The following HMOX1 variants were observed in gnomAD, a reference collection of about 807,000 sequenced individuals.
The protein encoded by HMOX1 is heme oxygenase 1.
A neutral mutation model predicts 27.8 loss-of-function variants in HMOX1; 22 were observed. The observed-to-expected ratio is 0.79, with a 90% confidence interval of 0.57 to 1.13. The LOEUF is 1.13. HMOX1 is among the 50% of genes most tolerant of loss of function. HMOX1 has a pLI of 0.00. For missense variants in HMOX1, 379 were observed against 377.7 expected, an observed-to-expected ratio of 1.00 and a Z score of -0.03; for synonymous variants, 153 against 151.6, an observed-to-expected ratio of 1.01 and a Z score of -0.07.
intron 3 of HMOX1, among the ~76,000 whole-genome samples, chr22:35,388,216 C>A (rs1931555259): frequency 1.3e-5 from 2 of 152,144 alleles, no homozygotes; most frequent in South Asian, 4.1e-4. Context: ...TTTGGGAGGC[C>A]AAAGCAGGAA....
At chr22:35,392,272 T>C (rs566779341) in intron 4 of HMOX1, among the ~76,000 whole-genome samples, 60 of 151,838 alleles carry the variant, frequency 4.0e-4, no homozygotes, top group Non-Finnish European at 7.4e-4. Context: ...TTCTCAGTTT[T>C]AATATCTAAT....
rs775196835 is a variant in HMOX1 at position 35,386,786 on chromosome 22, G to T, written c.246G>T (p.Glu82Asp). 6.2e-7 allele frequency: 1 copy of T among 1,614,228 alleles called. No individual in the cohort carries two copies. The highest frequency in any genetic ancestry group is 8.5e-7 in the Non-Finnish European group (1 of 1,180,032). ...TCGCCCCTGTCTACTTCCCAGAAGA[G>T]CTGCACCGCAAGGCTGCCCTGGAGC... ...PVFAPVYFPE[E>D]LHRKAALEQD... The change falls in exon 3 of 5, where the codon GAG (glutamate) becomes GAT (aspartate). Residue 82 changes from glutamate (E) to aspartate (D), a missense_variant. Coordinates refer to ENST00000216117, the MANE Select transcript of HMOX1 (RefSeq NM_002133.3).
chr22:35,393,424 T>C, intron 4 of HMOX1, 44 bp from the exon 5 acceptor site: 1 of 1,613,618 alleles, frequency 6.2e-7, no homozygotes, highest in Non-Finnish European at 8.5e-7. Context: ...GACACCCTGA[T>C]GCACGCCCAC....
At chr22:35,391,125 T>C (rs1931706947) in intron 4 of HMOX1, among the ~76,000 whole-genome samples, 1 of 152,010 alleles carries the variant, frequency 6.6e-6, no homozygotes, top group African/African-American at 2.4e-5. Flanking sequence ...CTGCTAGGGG[T>C]TTGTAACCCC....
rs1931775357 is a variant in HMOX1, at chr22:35,393,468, A to G, written c.737A>G (p.Asp246Gly). 6.2e-7 allele frequency: 1 copy of G among 1,613,920 alleles called. No homozygotes were observed. The highest frequency in any genetic ancestry group is 8.5e-7 in the Non-Finnish European group (1 of 1,179,982). ...GACCTTGCCCCATTTTCTCTTTCAGATTCTGCCCCCGTGGAGACTCCCAGA... is the reference window on the plus strand; with the variant it reads ...GACCTTGCCCCATTTTCTCTTTCAGGTTCTGCCCCCGTGGAGACTCCCAGA... ...LRQRASNKVQ[D>G]SAPVETPRGK... The change falls in exon 5 of 5, where the codon GAT (aspartate) becomes GGT (glycine). Residue 246 changes from aspartate (D) to glycine (G), a missense_variant and splice_region_variant. Coordinates refer to ENST00000216117, the MANE Select transcript of HMOX1 (RefSeq NM_002133.3).
In HMOX1 at chr22:35,386,714, T is replaced by C. The variant is rs762448489; in HGVS notation, c.174T>C (p.Tyr58=). ...TGATGGCCTCCCTGTACCACATCTA[T>C]GTGGCCCTGGAGGAGGAGATTGAGC... The part of the protein sequence containing the change: ...KLVMASLYHI[Y]VALEEEIERN... Residue 58 remains tyrosine (Y), a synonymous_variant, in exon 3 of 5, where the codon TAT becomes TAC. Transcript: ENST00000216117. 4 of 1,614,176 alleles carry C rather than the reference T, an allele frequency of 2.5e-6. No homozygotes were observed. The East Asian group carries it at 8.9e-5, about 36-fold the overall frequency.
Position 35,393,638 on chromosome 22 carries a change from G to T in HMOX1, c.*40G>T. 6.2e-7 allele frequency: 1 copy of T among 1,613,106 alleles called. No individual in the cohort carries two copies. The highest frequency in any genetic ancestry group is 1.1e-5 in the South Asian group (1 of 91,024). On this transcript the variant is annotated 3_prime_UTR_variant, in exon 5 of 5. Coordinates refer to ENST00000216117, the MANE Select transcript of HMOX1 (RefSeq NM_002133.3). ...GCTCCCAGGGCCATGAACTTTGTCC[G>T]GTGGAAGGCCTTCTTTCTAGAGAGG...
At chr22:35,383,807 A>G (rs1307619709) in intron 2 of HMOX1, among the ~76,000 whole-genome samples, 1 of 152,188 alleles carries the variant, frequency 6.6e-6, no homozygotes, top group African/African-American at 2.4e-5. Flanking sequence ...GAGTATTTCA[A>G]CAGCAGGGTT....
At chr22:35,383,350 C>T (rs1601739656) in intron 2 of HMOX1, 124 bp downstream of exon 2, 1 of 1,116,728 alleles carries the variant, frequency 9.0e-7, no homozygotes, top group Non-Finnish European at 1.3e-6. Context: ...ATAGAATCAT[C>T]TTAAAAATGA....
chr22:35,385,710 G>C (rs1256766692), intron 2 of HMOX1, among the ~76,000 whole-genome samples: 1 of 150,868 alleles, frequency 6.6e-6, no homozygotes, highest in African/African-American at 2.4e-5. Context: ...CTGCCTCCTG[G>C]GTTCAAGCAA....
chr22:35,381,123 A>T lies in HMOX1; in HGVS notation c.-51A>T, dbSNP rs1417518696. ...CGCCTGCCTCCTCTCGAGCGTCCTC[A>T]GCGCAGCCGCCGCCCGCGGAGCCAG... On this transcript the variant is annotated 5_prime_UTR_variant, in exon 1 of 5. Coordinates refer to ENST00000216117, the MANE Select transcript of HMOX1 (RefSeq NM_002133.3). 2.6e-6 allele frequency: 4 copies of T among 1,535,578 alleles called. No individual in the cohort carries two copies. Among genetic ancestry groups the T allele is most frequent in the Non-Finnish European group, 3.5e-6 (4 of 1,146,436 alleles).
At chr22:35,386,622 G>T in intron 2 of HMOX1, 63 bp from the exon 3 acceptor site, 1 of 1,610,480 alleles carries the variant, frequency 6.2e-7, no homozygotes, top group Non-Finnish European at 8.5e-7. Context: ...GTAGTGGACG[G>T]GACGGACAGA....
Position 35,389,229 on chromosome 22 carries a change from C to CTTTCTTTCTTTCTTTCTTTCTTTCTT in HMOX1, c.637-624_637-623insCTTTCTTTCTTTCTTTTTCTTTCTTT, listed in dbSNP as rs1555901538. 7.7e-5 allele frequency among the ~76,000 whole-genome samples: 9 copies of CTTTCTTTCTTTCTTTCTTTCTTTCTT among 116,972 alleles called. 2 individuals are homozygous for CTTTCTTTCTTTCTTTCTTTCTTTCTT. Among genetic ancestry groups the CTTTCTTTCTTTCTTTCTTTCTTTCTT allele is most frequent in the African/African-American group, 3.7e-4 (7 of 19,018 alleles). 76.7% of individuals were successfully genotyped at this position (116,972 alleles called of 152,430 possible). A position where few individuals can be genotyped will look rare whatever the true frequency, so the allele number is the denominator to read the frequency against. ...TCTTTCTTTCTCTCTTTCTTTCTTT[C>CTTTCTTTCTTTCTTTCTTTCTTTCTT]TTTCTTTCTTTTTCTTTCTTTTCTC... is the stretch of plus-strand genomic sequence containing the variant. On this transcript the variant is annotated intron_variant, in intron 3 of 4. Coordinates refer to ENST00000216117, the MANE Select transcript of HMOX1 (RefSeq NM_002133.3).
intron 3 of HMOX1, among the ~76,000 whole-genome samples, chr22:35,389,427 TCTA>T (rs1211671316): frequency 2.9e-5 from 2 of 68,062 alleles, no homozygotes; most frequent in African/African-American, 1.4e-4. Context: ...TTTCTTTCTT[TCTA>T]TCTTTCTTTC....
chr22:35,391,997 C>A (rs959383326), intron 4 of HMOX1, among the ~76,000 whole-genome samples: 58 of 151,470 alleles, frequency 3.8e-4, no homozygotes, highest in African/African-American at 1.3e-3. Flanking sequence ...GGCTGAGGCA[C>A]GGGGATCACT....
intron 3 of HMOX1, among the ~76,000 whole-genome samples, chr22:35,389,444 C>CTTTCT (rs1277100029): frequency 4.5e-5 from 5 of 109,954 alleles, no homozygotes; most frequent in East Asian, 2.4e-4. Context: ...TTCTTTCTTT[C>CTTTCT]TTTCTTTTCT....
chr22:35,393,987 C>T lies in HMOX1; in HGVS notation c.*389C>T, dbSNP rs772833576. ...TGGGCCATGGCAATTTTTACACAAA[C>T]CTGAAAAGATGTTGTGTCTTGTGTT... On this transcript the variant is annotated 3_prime_UTR_variant, in exon 5 of 5. Coordinates refer to ENST00000216117, the MANE Select transcript of HMOX1 (RefSeq NM_002133.3). 1.2e-5 allele frequency: 4 copies of T among 328,968 alleles called. No individual in the cohort carries two copies. The highest frequency in any genetic ancestry group is 1.8e-5 in the Non-Finnish European group (3 of 167,186). The allele number at this position is 328,968 out of a possible 1,614,324, so 20.4% of individuals were successfully genotyped here. A position where few individuals can be genotyped will look rare whatever the true frequency, so the allele number is the denominator to read the frequency against.
At chr22:35,387,242 A>C in intron 3 of HMOX1, 66 bp downstream of exon 3, 23 of 1,579,942 alleles carry the variant, frequency 1.5e-5, no homozygotes, top group Non-Finnish European at 1.8e-5. Flanking sequence ...GACCCTTCTC[A>C]TTGTAGGGGA....
At chr22:35,386,631 G>C in intron 2 of HMOX1, 54 bp from the exon 3 acceptor site, 1 of 1,612,656 alleles carries the variant, frequency 6.2e-7, no homozygotes, top group South Asian at 1.1e-5. Context: ...GGGACGGACA[G>C]AGGTGGGGGT....
Sources: gnomAD v4.1 joint callset for allele counts (sites outside exome capture counted in the v4.1 genomes callset) on GRCh38, gnomAD v4.1.1 for gene constraint, MANE v1.5 for transcripts, NCBI Gene and HGNC (gene_info 2026-07-23, HGNC 2026-07-21) for gene names.